CALN1: variants seen among roughly 807,000 people sequenced by gnomAD.
CALN1 encodes calcium-binding protein 8.
Under a neutral mutation model 30.6 loss-of-function variants are expected in CALN1, and 17 were observed. The observed-to-expected ratio is 0.56, with a 90% CI of 0.38 to 0.83. The LOEUF is 0.83. CALN1 is among the 40% of genes least tolerant of loss of function. CALN1 has a pLI of 0.00. For synonymous variants in CALN1, 156 were observed against 131.4 expected (o/e 1.19, Z -1.28); for missense variants, 291 against 354.9 (o/e 0.82, Z 1.45).
chr7:72,017,903 T>C (rs1584754547), intron 5 of CALN1, among the ~76,000 whole-genome samples: 1 of 152,078 alleles, frequency 6.6e-6, no homozygotes, highest in East Asian at 1.9e-4. Context: ...ACAGCTCAGC[T>C]CTCCTCACCA....
chr7:72,314,981 C>CAAA (rs530371351), intron 2 of CALN1, among the ~76,000 whole-genome samples: 19,113 of 105,004 alleles, frequency 0.18, 2,241 homozygotes, highest in East Asian at 0.42. Flanking sequence ...CCCATCTCTA[C>CAAA]AAAAAAAAAA....
chr7:71,998,988 CT>C (rs1218752214), intron 5 of CALN1, among the ~76,000 whole-genome samples: 2 of 152,100 alleles, frequency 1.3e-5, no homozygotes, highest in Non-Finnish European at 2.9e-5. Flanking sequence ...AAATGGTAGA[CT>C]TACATAGATA....
rs140215169 is a variant in CALN1 at position 72,110,936 on chromosome 7, C to A, written c.245-4642G>T. Among the ~76,000 whole-genome samples the A allele has an allele frequency of 8.5e-4, 130 of 152,272 alleles. 2 individuals carry two copies. In the East Asian group the frequency reaches 0.023, roughly 27 times the overall value. ...CTGGCTCTAGGAGGACGGCTCCCAGCATTGAGTGGGCTTTGGCCACTTTCC... is the reference window on the plus strand; with the variant it reads ...CTGGCTCTAGGAGGACGGCTCCCAGAATTGAGTGGGCTTTGGCCACTTTCC... On this transcript the variant is annotated intron_variant, in intron 3 of 6. Transcript: ENST00000395275.
chr7:71,944,719 A>G (rs1796320374), intron 5 of CALN1, among the ~76,000 whole-genome samples: 1 of 152,124 alleles, frequency 6.6e-6, no homozygotes, highest in Non-Finnish European at 1.5e-5. Context: ...GTCAATTACT[A>G]ATTATAAATC....
At chr7:72,043,632 A>C (rs1240139954) in intron 4 of CALN1, among the ~76,000 whole-genome samples, 1 of 152,118 alleles carries the variant, frequency 6.6e-6, no homozygotes, top group African/African-American at 2.4e-5. Context: ...TTGGCCAGGC[A>C]TGATGTCACT....
chr7:71,926,193 C>A (rs1795263003), intron 5 of CALN1, among the ~76,000 whole-genome samples: 1 of 152,182 alleles, frequency 6.6e-6, no homozygotes, highest in South Asian at 2.1e-4. Context: ...CTAACCACCA[C>A]AGCCTGCACA....
chr7:72,119,372 C>A (rs1584981299), intron 3 of CALN1, among the ~76,000 whole-genome samples: 1 of 152,112 alleles, frequency 6.6e-6, no homozygotes, highest in African/African-American at 2.4e-5. Flanking sequence ...TATTAACTAT[C>A]ATGAGAACAG....
intron 2 of CALN1, among the ~76,000 whole-genome samples, chr7:72,287,439 T>G (rs1015639276): frequency 8.7e-6 from 1 of 115,466 alleles, no homozygotes; most frequent in South Asian, 3.4e-4. Flanking sequence ...AAATTAATTT[T>G]TTTTTTTTTT....
the CALN1 span, among the ~76,000 whole-genome samples, chr7:72,487,942 G>GA: frequency 3.0e-4 from 22 of 73,978 alleles, no homozygotes; most frequent in African/African-American, 4.2e-4. Context: ...AGGAAGGAAG[G>GA]AAGGAAGGAA....
At chr7:71,984,503 T>C (rs1022115723) in intron 5 of CALN1, among the ~76,000 whole-genome samples, 1 of 152,190 alleles carries the variant, frequency 6.6e-6, no homozygotes, top group African/African-American at 2.4e-5. Flanking sequence ...AAGAGTTAAC[T>C]TGCCCCCACG....
In CALN1 at chr7:72,161,184, AAGG is replaced by A. The variant is rs1788083605; in HGVS notation, c.245-54893_245-54891del. ...AACTCAATAAATAAGAGGATGACATAAGGAGGATTCCCTGCCTTCACTTGGGAA... is the reference window on the plus strand; with the variant it reads ...AACTCAATAAATAAGAGGATGACATAAGGATTCCCTGCCTTCACTTGGGAA... On this transcript the variant is annotated intron_variant, in intron 3 of 6. Coordinates refer to ENST00000395275, the MANE Select transcript of CALN1 (RefSeq NM_031468.4). Among the ~76,000 whole-genome samples the A allele has an allele frequency of 2.0e-5, 3 of 152,308 alleles. No individual in the cohort carries two copies. In the South Asian group the frequency reaches 6.2e-4, roughly 32 times the overall value.
Position 72,365,328 on chromosome 7 carries a change from G to C in CALN1, c.119+37923C>G, listed in dbSNP as rs572689301. ...AGCCTGGGTGACAGAGCAAGACCTT[G>C]TCTCAAAAGAAGAAAAAAATAATAA... On this transcript the variant is annotated intron_variant, in intron 2 of 6. Transcript: ENST00000395275. 4.6e-5 allele frequency among the ~76,000 whole-genome samples: 7 copies of C among 152,134 alleles called. No homozygotes were observed. In the East Asian group the frequency reaches 1.2e-3, roughly 25 times the overall value.
At chr7:71,806,249 T>TGC (rs1787602169) in intron 6 of CALN1, among the ~76,000 whole-genome samples, 1 of 114,278 alleles carries the variant, frequency 8.8e-6, no homozygotes, top group East Asian at 5.3e-4. Flanking sequence ...TGTGCACGCA[T>TGC]GCACACACAC....
At chr7:72,285,276 G>T (rs1202024529) in intron 2 of CALN1, among the ~76,000 whole-genome samples, 1 of 152,090 alleles carries the variant, frequency 6.6e-6, no homozygotes, top group Non-Finnish European at 1.5e-5. Flanking sequence ...ATGGAGTCTT[G>T]CTCTGTTGCC....
chr7:71,989,761 C>T (rs1798853724), intron 5 of CALN1, among the ~76,000 whole-genome samples: 1 of 151,880 alleles, frequency 6.6e-6, no homozygotes. Flanking sequence ...AAAAACAACT[C>T]CAAAAATCAC....
At chr7:72,348,646 T>C (rs767260479) in intron 2 of CALN1, among the ~76,000 whole-genome samples, 15 of 152,262 alleles carry the variant, frequency 9.9e-5, no homozygotes, top group Non-Finnish European at 1.8e-4. Flanking sequence ...CTGATGATCC[T>C]GAGTGAGAAA....
At chr7:72,004,741 C>A (rs1291439201) in intron 5 of CALN1, among the ~76,000 whole-genome samples, 3 of 151,976 alleles carry the variant, frequency 2.0e-5, no homozygotes. Context: ...TTGCAAACAA[C>A]ATATCTGGCC....
At chr7:72,399,763 C>A (rs1248606980) in intron 2 of CALN1, among the ~76,000 whole-genome samples, 1 of 152,164 alleles carries the variant, frequency 6.6e-6, no homozygotes, top group Non-Finnish European at 1.5e-5. Context: ...GGGTATTTGT[C>A]CCCTCCAAAT....
chr7:71,822,041 C>A (rs1357041540), intron 5 of CALN1, among the ~76,000 whole-genome samples: 1 of 151,480 alleles, frequency 6.6e-6, no homozygotes, highest in Non-Finnish European at 1.5e-5. Flanking sequence ...AGTTCTGTGA[C>A]CACAGGTGTG....
Sources: gnomAD v4.1 joint callset for allele counts (sites outside exome capture counted in the v4.1 genomes callset) on GRCh38, gnomAD v4.1.1 for gene constraint, MANE v1.5 for transcripts, NCBI Gene and HGNC (gene_info 2026-07-23, HGNC 2026-07-21) for gene names.